HS3ST3A1: variants seen among roughly 807,000 people sequenced by gnomAD.
The protein encoded by HS3ST3A1 is heparan sulfate-glucosamine 3-sulfotransferase 3A1.
A neutral mutation model predicts 25.7 loss-of-function variants in HS3ST3A1; 19 were observed. That is an observed-to-expected ratio of 0.74 (90% CI 0.52 to 1.08). The LOEUF (loss-of-function observed/expected upper bound fraction) is 1.08, where lower values mean the gene tolerates loss of function less well. HS3ST3A1 is among the 50% of genes least tolerant of loss of function. The probability of loss-of-function intolerance (pLI) is 0.00; values close to 1 mark genes in which losing one functional copy is unlikely to be tolerated. For synonymous variants in HS3ST3A1, 226 were observed against 278.6 expected, an observed-to-expected ratio of 0.81 and a Z score of 1.88; for missense variants, 459 against 594.3, an observed-to-expected ratio of 0.77 and a Z score of 2.37.
intron 1 of HS3ST3A1, among the ~76,000 whole-genome samples, chr17:13,539,036 G>A (rs1216429477): frequency 2.6e-5 from 4 of 152,202 alleles, no homozygotes; most frequent in African/African-American, 9.6e-5. Context: ...GTCAGCTGGG[G>A]CTAGAATGAT....
chr17:13,535,214 A>G (rs1015543334), intron 1 of HS3ST3A1, among the ~76,000 whole-genome samples: 1 of 152,204 alleles, frequency 6.6e-6, no homozygotes, highest in African/African-American at 2.4e-5. Context: ...TAGTTGATGC[A>G]TTAACACTAA....
chr17:13,527,652 C>T (rs899035114), intron 1 of HS3ST3A1, among the ~76,000 whole-genome samples: 1 of 152,160 alleles, frequency 6.6e-6, no homozygotes, highest in Non-Finnish European at 1.5e-5. Flanking sequence ...CCAGCAGCTT[C>T]TAGGAAGACT....
At chr17:13,541,191 G>T (rs1906921296) in intron 1 of HS3ST3A1, among the ~76,000 whole-genome samples, 1 of 152,100 alleles carries the variant, frequency 6.6e-6, no homozygotes, top group African/African-American at 2.4e-5. Flanking sequence ...AAGAGGCTAA[G>T]ACTACAAAAG....
chr17:13,543,865 A>G (rs1907007517), intron 1 of HS3ST3A1, among the ~76,000 whole-genome samples: 1 of 152,088 alleles, frequency 6.6e-6, no homozygotes, highest in African/African-American at 2.4e-5. Flanking sequence ...GACTACCAGG[A>G]CTCTATGATG....
intron 1 of HS3ST3A1, among the ~76,000 whole-genome samples, chr17:13,594,867 T>A (rs531893717): frequency 2.0e-5 from 3 of 152,340 alleles, no homozygotes; most frequent in Non-Finnish European, 2.9e-5. Flanking sequence ...GTTTCTTTTT[T>A]AAATTGAGAC....
intron 1 of HS3ST3A1, among the ~76,000 whole-genome samples, chr17:13,555,246 G>C (rs116246466): frequency 2.0e-5 from 3 of 151,982 alleles, no homozygotes; most frequent in African/African-American, 4.8e-5. Context: ...GAAGTCTTTC[G>C]CAAACCCTTG....
chr17:13,515,982 G>C (rs1406675959), intron 1 of HS3ST3A1, among the ~76,000 whole-genome samples: 1 of 152,072 alleles, frequency 6.6e-6, no homozygotes, highest in Non-Finnish European at 1.5e-5. Flanking sequence ...ACATGGGGCT[G>C]TTTATTTTCT....
intron 1 of HS3ST3A1, among the ~76,000 whole-genome samples, chr17:13,586,697 C>T (rs1420921876): frequency 2.0e-5 from 3 of 150,236 alleles, no homozygotes; most frequent in African/African-American, 7.4e-5. Context: ...GAAACCCCGT[C>T]TCTACTAAAA....
At chr17:13,532,878 C>CTT in intron 1 of HS3ST3A1, among the ~76,000 whole-genome samples, 1 of 139,342 alleles carries the variant, frequency 7.2e-6, no homozygotes, top group South Asian at 2.5e-4. Context: ...AATACATATA[C>CTT]GTGTGTGTGT....
At chr17:13,522,906 T>G (rs537297077) in intron 1 of HS3ST3A1, among the ~76,000 whole-genome samples, 3 of 150,664 alleles carry the variant, frequency 2.0e-5, no homozygotes, top group Non-Finnish European at 4.4e-5. Flanking sequence ...AGATAACCTT[T>G]TCAGTTTTGG....
chr17:13,541,712 C>T (rs1906937733), intron 1 of HS3ST3A1, among the ~76,000 whole-genome samples: 1 of 152,104 alleles, frequency 6.6e-6, no homozygotes. Flanking sequence ...TAGGTTGAGC[C>T]TTTGAACATC....
chr17:13,502,738 A>G (rs960484768), intron 1 of HS3ST3A1, among the ~76,000 whole-genome samples: 1 of 152,238 alleles, frequency 6.6e-6, no homozygotes, highest in Non-Finnish European at 1.5e-5. Context: ...GCCTCTGGCT[A>G]TTTAGGAAAA....
intron 1 of HS3ST3A1, among the ~76,000 whole-genome samples, chr17:13,529,355 A>T (rs191105245): frequency 2.6e-5 from 4 of 152,326 alleles, no homozygotes; most frequent in African/African-American, 9.6e-5. Context: ...AGACATGTTT[A>T]TGTGGTTCTA....
chr17:13,512,675 C>A (rs1905916538), intron 1 of HS3ST3A1, among the ~76,000 whole-genome samples: 1 of 152,144 alleles, frequency 6.6e-6, no homozygotes, highest in Admixed American at 6.5e-5. Context: ...TCACCTCCTG[C>A]TTTAGACCAT....
rs1555540176 is a variant in HS3ST3A1, at chr17:13,547,962, A to AAC, written c.600-51146_600-51145dup. Among the ~76,000 whole-genome samples, 83 of 150,084 alleles carry AAC rather than the reference A, an allele frequency of 5.5e-4. 1 individual carries two copies. Among genetic ancestry groups the AAC allele is most frequent in the African/African-American group, 1.9e-3 (78 of 40,224 alleles). ...TGTGAGCCAAAAAAAAAAAAAAAAA[A>AAC]ACCACACGTTTGGCGTCAGGTATGG... is the stretch of plus-strand genomic sequence containing the variant. On this transcript the variant is annotated intron_variant, in intron 1 of 1. Coordinates refer to ENST00000284110, the MANE Select transcript of HS3ST3A1 (RefSeq NM_006042.3).
chr17:13,532,137 G>C (rs1906623271), intron 1 of HS3ST3A1, among the ~76,000 whole-genome samples: 1 of 152,166 alleles, frequency 6.6e-6, no homozygotes, highest in Non-Finnish European at 1.5e-5. Context: ...TTTAAGGGGA[G>C]AAGCCACGGA....
intron 1 of HS3ST3A1, among the ~76,000 whole-genome samples, chr17:13,533,626 C>A (rs908418970): frequency 6.6e-6 from 1 of 151,838 alleles, no homozygotes; most frequent in South Asian, 2.1e-4. Flanking sequence ...GATTGCATCA[C>A]GATAGAAAGA....
intron 1 of HS3ST3A1, among the ~76,000 whole-genome samples, chr17:13,514,608 G>T (rs61117963): frequency 0.054 from 8,191 of 152,276 alleles, 237 homozygotes; most frequent in African/African-American, 0.072. Context: ...ATTTGGCTGG[G>T]TGTGATGGCC....
rs542466313 is a variant in HS3ST3A1 at position 13,560,672 on chromosome 17, A to C, written c.599+39859T>G. Reference sequence around the variant, plus strand: ...CTAACAATATAGCTCCATTACTAAAAATCATGAGTAAATATCTCTAAATAA... The same window carrying C: ...CTAACAATATAGCTCCATTACTAAACATCATGAGTAAATATCTCTAAATAA... On this transcript the variant is annotated intron_variant, in intron 1 of 1. Coordinates refer to ENST00000284110, the MANE Select transcript of HS3ST3A1 (RefSeq NM_006042.3). Among the ~76,000 whole-genome samples the C allele has an allele frequency of 6.5e-4, 99 of 152,324 alleles. No individual in the cohort carries two copies. In the Middle Eastern group the frequency reaches 0.014, roughly 21 times the overall value.
Sources: gnomAD v4.1 joint callset for allele counts (sites outside exome capture counted in the v4.1 genomes callset) on GRCh38, gnomAD v4.1.1 for gene constraint, MANE v1.5 for transcripts, NCBI Gene and HGNC (gene_info 2026-07-23, HGNC 2026-07-21) for gene names.